Variants in NOS1 observed in about 807,000 individuals in gnomAD.
NOS1 encodes NOS type I.
NOS1 carries 51 observed loss-of-function variants against 164.5 expected under a neutral mutation model. The ratio of observed to expected loss-of-function variants is 0.31; its 90% CI spans 0.25 to 0.39. The LOEUF (loss-of-function observed/expected upper bound fraction) is 0.39. NOS1 is among the 10% of genes least tolerant of loss of function. The probability of loss-of-function intolerance (pLI) is 1.00; values close to 1 mark genes in which losing one functional copy is unlikely to be tolerated. For missense variants in NOS1, 1,362 were observed against 1,885.6 expected, an observed-to-expected ratio of 0.72 and a Z score of 5.14; for synonymous variants, 719 against 745.8, an observed-to-expected ratio of 0.96 and a Z score of 0.59.
chr12:117,344,873 A>G (rs1251231365), intron 1 of NOS1, among the ~76,000 whole-genome samples: 1 of 152,222 alleles, frequency 6.6e-6, no homozygotes, highest in African/African-American at 2.4e-5. Flanking sequence ...GGTAGAAGTC[A>G]CTGGTTTCAC....
intron 17 of NOS1, among the ~76,000 whole-genome samples, chr12:117,252,856 A>G (rs773517376): frequency 6.6e-6 from 1 of 152,206 alleles, no homozygotes; most frequent in Non-Finnish European, 1.5e-5. Flanking sequence ...CGAAGGTCTG[A>G]GAGATTTGTG....
intron 27 of NOS1, among the ~76,000 whole-genome samples, chr12:117,218,710 A>G (rs1956650580): frequency 6.6e-6 from 1 of 152,120 alleles, no homozygotes; most frequent in Non-Finnish European, 1.5e-5. Flanking sequence ...GAAAGAAGCA[A>G]GCAAAGAGAA....
At chr12:117,296,956 C>G (rs1873457621) in intron 3 of NOS1, among the ~76,000 whole-genome samples, 1 of 152,232 alleles carries the variant, frequency 6.6e-6, no homozygotes, top group Non-Finnish European at 1.5e-5. Context: ...GCACCATGAT[C>G]TTGGACTTCC....
At chr12:117,307,790 G>C (rs1283919385) in intron 3 of NOS1, among the ~76,000 whole-genome samples, 1 of 152,070 alleles carries the variant, frequency 6.6e-6, no homozygotes, top group Non-Finnish European at 1.5e-5. Context: ...GCTGAGGCAG[G>C]TGGATCACCT....
chr12:117,311,555 C>T lies in NOS1; in HGVS notation c.763G>A (p.Gly255Ser), dbSNP rs199588951. ...TTGAAGACTCGGTCGTTCTCCACGC[C>T]GAGGGGCAGAGGTTTGTGTGACTTG... ...DGKSHKPLPL[G>S]VENDRVFNDL... Residue 255 changes from glycine to serine, a missense_variant, in exon 3 of 29, where the codon GGC becomes AGC. Around this residue, in one of 4 missense-constraint regions of NOS1, gnomAD observed 362 missense variants for 402.0 expected, o/e 0.90. Coordinates refer to ENST00000317775, the MANE Select transcript of NOS1 (RefSeq NM_000620.5). 82 of 1,612,926 alleles carry T rather than the reference C, an allele frequency of 5.1e-5. No homozygotes were observed. Among genetic ancestry groups the T allele is most frequent in the Non-Finnish European group, 6.1e-5 (72 of 1,179,502 alleles).
At chr12:117,344,907 T>C (rs539410570) in intron 1 of NOS1, among the ~76,000 whole-genome samples, 1 of 152,290 alleles carries the variant, frequency 6.6e-6, no homozygotes, top group Admixed American at 6.5e-5. Flanking sequence ...GATGAGGAGC[T>C]ACAGGCTCAT....
intron 1 of NOS1, among the ~76,000 whole-genome samples, chr12:117,351,095 C>CA (rs201784123): frequency 0.025 from 3,743 of 151,928 alleles, 147 homozygotes; most frequent in African/African-American, 0.084. Context: ...GCCTGGGCGA[C>CA]AGAGCAAGAC....
At position 117,316,558 on chromosome 12, in the gene NOS1, C is replaced by G. The variant is rs541255191; in HGVS notation, c.726-4966G>C. Among the ~76,000 whole-genome samples, 6 of 152,282 alleles carry G rather than the reference C, an allele frequency of 3.9e-5. No individual in the cohort carries two copies. In the South Asian group the frequency reaches 1.2e-3, roughly 32 times the overall value. On this transcript the variant is annotated intron_variant, in intron 2 of 28. Coordinates refer to ENST00000317775, the MANE Select transcript of NOS1 (RefSeq NM_000620.5). ...GAGATCATGCATGTAAAATGCCTAG[C>G]ACATAATCGGCACTAACTAAACATG...
At chr12:117,332,676 C>T (rs1875603802) in intron 1 of NOS1, among the ~76,000 whole-genome samples, 1 of 152,118 alleles carries the variant, frequency 6.6e-6, no homozygotes, top group Admixed American at 6.5e-5. Flanking sequence ...ACCAGCCTGG[C>T]CAACATGGTG....
chr12:117,222,574 C>G, intron 26 of NOS1, 141 bp downstream of exon 26: 1 of 765,990 alleles, frequency 1.3e-6, no homozygotes, highest in South Asian at 1.8e-5. Flanking sequence ...TTTTCCCTAC[C>G]CATGCTTTCT....
At chr12:117,303,700 C>T (rs746261984) in intron 3 of NOS1, among the ~76,000 whole-genome samples, 2 of 152,120 alleles carry the variant, frequency 1.3e-5, no homozygotes, top group Non-Finnish European at 2.9e-5. Context: ...ACAGTTCTAC[C>T]CCTTCTCTCT....
In NOS1 at chr12:117,330,353, C is replaced by G. The variant is rs1479898551; in HGVS notation, c.717G>C (p.Gln239His). ...AKAEMKDMGI[Q>H]VDRDLDGKSH... ...ACCCCTGTGGAGCTTACCTGTCCAC[C>G]TGGATTCCCATATCTTTCATCTCTG... The change falls in exon 2 of 29, where the codon CAG becomes CAC. Residue 239 changes from glutamine to histidine, a missense_variant. Gln to His is a conservative substitution (Grantham distance 24). Around this residue, in one of 4 missense-constraint regions of NOS1, gnomAD observed 362 missense variants for 402.0 expected, o/e 0.90. Transcript: ENST00000317775. This position sits in a 1 kb window ranked among gnomAD's most constrained non-coding sequence, Gnocchi z 4.6. 6 of 1,611,526 alleles carry G rather than the reference C, an allele frequency of 3.7e-6. No individual in the cohort carries two copies. Among genetic ancestry groups the G allele is most frequent in the Admixed American group, 1.7e-5 (1 of 59,872 alleles).
chr12:117,330,423 A>G lies in NOS1; in HGVS notation c.647T>C (p.Leu216Pro), dbSNP rs55922940. Residue 216 changes from leucine to proline, a missense_variant, in exon 2 of 29, where the codon CTC becomes CCC. Physicochemically the swap from Leu to Pro is moderately conservative, Grantham distance 98. This residue lies in a region of NOS1 where 362 missense variants were observed against 402.0 expected (regional missense o/e 0.90). Coordinates refer to ENST00000317775, the MANE Select transcript of NOS1 (RefSeq NM_000620.5). This position sits in a 1 kb window ranked among gnomAD's most constrained non-coding sequence, Gnocchi z 4.6. ...CTTGACCCCTCTGCTCCCACTGGTGAGAAGGCTCAGCACAGGCTCTATCTC... is the reference window on the plus strand; with the variant it reads ...CTTGACCCCTCTGCTCCCACTGGTGGGAAGGCTCAGCACAGGCTCTATCTC... ...LKEIEPVLSL[L>P]TSGSRGVKGG... is the part of the protein sequence containing the mutation. 1.6e-4 allele frequency: 260 copies of G among 1,614,020 alleles called. No homozygotes were observed. Among genetic ancestry groups the G allele is most frequent in the Non-Finnish European group, 2.1e-4 (243 of 1,180,040 alleles).
In NOS1 at chr12:117,215,203, C is replaced by G; in HGVS notation, c.*106G>C. 7.4e-7 allele frequency: 1 copy of G among 1,356,958 alleles called. No individual in the cohort carries two copies. Among genetic ancestry groups the G allele is most frequent in the Non-Finnish European group, 9.6e-7 (1 of 1,044,158 alleles). The allele number at this position is 1,356,958 out of a possible 1,614,324, so 84.1% of individuals were successfully genotyped here. On this transcript the variant is annotated 3_prime_UTR_variant, in exon 29 of 29. Transcript: ENST00000317775. ...GAGGAGGGAAACCAGGGCACAGCGA[C>G]AAGGACAGGAGGCAGAGCGAGGGCC...
chr12:117,350,569 A>C (rs919401332), intron 1 of NOS1, among the ~76,000 whole-genome samples: 1 of 152,234 alleles, frequency 6.6e-6, no homozygotes, highest in Non-Finnish European at 1.5e-5. Flanking sequence ...GGATTTCATA[A>C]GGACCCTACA....
Position 117,327,390 on chromosome 12 carries a change from C to G in NOS1, c.725+2955G>C, listed in dbSNP as rs540486334. ...CCAATGCCTTCCGTTCTGGATCCTA[C>G]AGCTGCCTTAGGATTTAACTCTATG... On this transcript the variant is annotated intron_variant, in intron 2 of 28. Transcript: ENST00000317775. Among the ~76,000 whole-genome samples the G allele has an allele frequency of 2.0e-5, 3 of 152,302 alleles. No homozygotes were observed. The East Asian group carries it at 5.8e-4, about 29-fold the overall frequency.
At chr12:117,227,379 GC>G in intron 23 of NOS1, 51 bp downstream of exon 23, 2 of 1,571,536 alleles carry the variant, frequency 1.3e-6, no homozygotes, top group Non-Finnish European at 1.7e-6. Context: ...CCCTCCAGAG[GC>G]CCCTTGGGGG....
At chr12:117,300,201 A>G (rs1157281963) in intron 3 of NOS1, among the ~76,000 whole-genome samples, 4 of 152,174 alleles carry the variant, frequency 2.6e-5, no homozygotes, top group Non-Finnish European at 2.9e-5. Context: ...ACAGAGAGGA[A>G]GAAAAATGAC....
At position 117,234,467 on chromosome 12, in the gene NOS1, G is replaced by C; in HGVS notation, c.3235+98C>G. 2 of 1,291,266 alleles carry C rather than the reference G, an allele frequency of 1.5e-6. No homozygotes were observed. The allele number at this position is 1,291,266 out of a possible 1,614,324, so 80.0% of individuals were successfully genotyped here. On this transcript the variant is annotated intron_variant, in intron 21 of 28. Transcript: ENST00000317775. The surrounding 1 kb of genome is among the most constrained non-coding windows in gnomAD (Gnocchi z 4.3). ...GTTAGCAACAGACACCCACTCTCCT[G>C]CCTGGACTGGTGATTGGGAAGAAAA...
Sources: gnomAD v4.1 joint callset for allele counts (sites outside exome capture counted in the v4.1 genomes callset) on GRCh38, gnomAD v4.1.1 for gene constraint, gnomAD v4.1.1 regional missense constraint, Gnocchi (gnomAD v3.1) non-coding constraint, MANE v1.5 for transcripts, NCBI Gene and HGNC (gene_info 2026-07-23, HGNC 2026-07-21) for gene names.